WDR70: variants seen among roughly 807,000 people sequenced by gnomAD.
WDR70 encodes WD repeat-containing protein 70.
WDR70 carries 53 observed loss-of-function variants against 88.6 expected under a neutral mutation model. The ratio of observed to expected loss-of-function variants is 0.60; its 90% confidence interval spans 0.48 to 0.75. The LOEUF is 0.75. Among genes scored for constraint, WDR70 ranks in the 30% least tolerant of loss-of-function variants. The pLI is 0.00. For synonymous variants in WDR70, 280 were observed against 270.0 expected (o/e 1.04, Z -0.36); for missense variants, 610 against 823.2 (o/e 0.74, Z 3.17).
chr5:37,516,725 A>ATATATACATATATATT (rs1197472263), intron 9 of WDR70, 135 bp downstream of exon 9: 1 of 127,478 alleles, frequency 7.8e-6, no homozygotes, highest in African/African-American at 2.9e-5. Flanking sequence ...ATATATATAT[A>ATATATACATATATATT]TTTTTTTTTT....
intron 3 of WDR70, among the ~76,000 whole-genome samples, chr5:37,384,167 T>TC (rs1561831548): frequency 1.3e-4 from 17 of 135,146 alleles, no homozygotes; most frequent in Middle Eastern, 3.7e-3. Context: ...CTCAGTACTT[T>TC]CCCCCCTTTT....
intron 9 of WDR70, among the ~76,000 whole-genome samples, chr5:37,572,321 G>A (rs1391709053): frequency 6.6e-6 from 1 of 151,916 alleles, no homozygotes; most frequent in Non-Finnish European, 1.5e-5. Context: ...AAGAAAAGAG[G>A]CTGCTGGATC....
intron 7 of WDR70, among the ~76,000 whole-genome samples, chr5:37,456,213 T>C (rs1738834795): frequency 6.6e-6 from 1 of 152,216 alleles, no homozygotes; most frequent in East Asian, 1.9e-4. Flanking sequence ...GCTTTCTTAG[T>C]GGCAATGTGT....
intron 5 of WDR70, among the ~76,000 whole-genome samples, chr5:37,420,167 A>G (rs2111988346): frequency 6.6e-6 from 1 of 152,342 alleles, no homozygotes. Context: ...GTTCAAGACC[A>G]GCCTGGGCAA....
intron 8 of WDR70, among the ~76,000 whole-genome samples, chr5:37,486,215 G>A (rs1739863972): frequency 6.6e-6 from 1 of 152,122 alleles, no homozygotes; most frequent in Non-Finnish European, 1.5e-5. Context: ...ATTACAGTAT[G>A]TTTCAGACTG....
chr5:37,675,795 A>G (rs897903136), intron 10 of WDR70, among the ~76,000 whole-genome samples: 1 of 151,962 alleles, frequency 6.6e-6, no homozygotes, highest in Non-Finnish European at 1.5e-5. Flanking sequence ...CTTGATGGGG[A>G]TGGCATTGAA....
chr5:37,483,101 G>GCTTTTTT (rs1270855677), intron 8 of WDR70, among the ~76,000 whole-genome samples: 1 of 129,886 alleles, frequency 7.7e-6, no homozygotes, highest in East Asian at 2.3e-4. Flanking sequence ...AGTGGTCTCA[G>GCTTTTTT]TTTTTTTTTT....
Position 37,701,055 on chromosome 5 carries a change from C to T in WDR70, c.1193-3C>T, listed in dbSNP as rs1490709773. The T allele has an allele frequency of 1.3e-6, 2 of 1,598,556 alleles. No individual in the cohort carries two copies. Among genetic ancestry groups the T allele is most frequent in the South Asian group, 2.2e-5 (2 of 90,694 alleles). On this transcript the variant is annotated splice_region_variant and splice_polypyrimidine_tract_variant and intron_variant, in intron 11 of 17. Coordinates refer to ENST00000265107, the MANE Select transcript of WDR70 (RefSeq NM_018034.4). ...CTTTTTTTTCCCCTCATTCCTCTGT[C>T]AGGTGACGATTCATTAAAATTATGG...
chr5:37,642,464 A>G (rs1745129430), intron 10 of WDR70, among the ~76,000 whole-genome samples: 1 of 152,228 alleles, frequency 6.6e-6, no homozygotes, highest in Admixed American at 6.5e-5. Flanking sequence ...ATACTTTGAT[A>G]CAGGCATATA....
At chr5:37,391,491 T>A (rs1748818478) in intron 3 of WDR70, among the ~76,000 whole-genome samples, 2 of 152,214 alleles carry the variant, frequency 1.3e-5, no homozygotes, top group Admixed American at 1.3e-4. Context: ...TTACCTCATG[T>A]AAGTGGCATT....
At chr5:37,491,448 C>G (rs1740066310) in intron 8 of WDR70, among the ~76,000 whole-genome samples, 1 of 152,172 alleles carries the variant, frequency 6.6e-6, no homozygotes, top group African/African-American at 2.4e-5. Flanking sequence ...GTCTTCAACT[C>G]TTTTTCTTTT....
intron 10 of WDR70, among the ~76,000 whole-genome samples, chr5:37,614,078 A>G (rs1744262581): frequency 6.6e-6 from 1 of 152,224 alleles, no homozygotes; most frequent in Non-Finnish European, 1.5e-5. Context: ...AATAACAGAA[A>G]TGTATTATCT....
chr5:37,416,426 G>A (rs1250775500), intron 5 of WDR70, among the ~76,000 whole-genome samples: 4 of 152,122 alleles, frequency 2.6e-5, no homozygotes, highest in East Asian at 3.9e-4. Context: ...GGAGAATCAG[G>A]CAGGGAGGTT....
Position 37,697,712 on chromosome 5 carries a change from G to T in WDR70, c.1150G>T (p.Val384Leu), listed in dbSNP as rs201460694. The T allele has an allele frequency of 1.6e-5, 26 of 1,613,598 alleles. No homozygotes were observed. The highest frequency in any genetic ancestry group is 2.7e-5 in the African/African-American group (2 of 74,880). ...AHDSGTDTSC[V>L]TFSYDGNVLA... ...TGACTCGGGCACAGACACTTCTTGC[G>T]TGACTTTTTCCTATGATGGTAATGT... The change falls in exon 11 of 18, where the codon GTG (valine) becomes TTG (leucine). Residue 384 changes from valine to leucine, a missense_variant. Val to Leu is a conservative substitution (Grantham distance 32). Transcript: ENST00000265107.
chr5:37,698,455 G>T (rs148034014), intron 11 of WDR70, among the ~76,000 whole-genome samples: 1 of 150,648 alleles, frequency 6.6e-6, no homozygotes, highest in Non-Finnish European at 1.5e-5. Flanking sequence ...TTGGAGCCAT[G>T]TTACAGAGGG....
intron 10 of WDR70, among the ~76,000 whole-genome samples, chr5:37,630,854 A>G (rs1013805088): frequency 1.3e-5 from 2 of 152,182 alleles, no homozygotes; most frequent in African/African-American, 4.8e-5. Flanking sequence ...CTTGTCTCAC[A>G]GGGGAGAGGG....
intron 8 of WDR70, among the ~76,000 whole-genome samples, chr5:37,512,613 G>A (rs1740755041): frequency 6.8e-6 from 1 of 146,298 alleles, no homozygotes; most frequent in African/African-American, 2.5e-5. Context: ...ACAGGGTCTT[G>A]CTCTCTTGCC....
Position 37,516,561 on chromosome 5 carries a change from G to A in WDR70, c.888G>A (p.Lys296=), listed in dbSNP as rs767309000. 2 of 1,606,732 alleles carry A rather than the reference G, an allele frequency of 1.2e-6. No homozygotes were observed. Among genetic ancestry groups the A allele is most frequent in the South Asian group, 2.2e-5 (2 of 89,992 alleles). ...CTGGCTCATGGCATCCCAAAATAAAGGGAGAATTTATGACTTGCTCAAATG... is the reference window on the plus strand; with the variant it reads ...CTGGCTCATGGCATCCCAAAATAAAAGGAGAATTTATGACTTGCTCAAATG... The part of the protein sequence containing the change: ...LHTGSWHPKI[K]GEFMTCSNDA... Residue 296 remains lysine (K), a synonymous_variant, in exon 9 of 18, where the codon AAG becomes AAA. Transcript: ENST00000265107.
chr5:37,690,564 T>A (rs1746761894), intron 10 of WDR70, among the ~76,000 whole-genome samples: 1 of 152,162 alleles, frequency 6.6e-6, no homozygotes, highest in African/African-American at 2.4e-5. Flanking sequence ...TCAACATTCT[T>A]AAAGAAAAGA....
Sources: allele counts gnomAD v4.1 joint callset (sites outside exome capture counted in the v4.1 genomes callset), GRCh38; gene constraint gnomAD v4.1.1; transcripts MANE v1.5; gene names NCBI Gene and HGNC (gene_info 2026-07-23, HGNC 2026-07-21).